PCTP: variants seen among roughly 807,000 people sequenced by gnomAD.
PCTP encodes the protein START domain-containing protein 2.
Under a neutral mutation model 31.0 loss-of-function variants are expected in PCTP, and 27 were observed. That is an observed-to-expected ratio of 0.87 (90% CI 0.64 to 1.20). PCTP has a LOEUF of 1.20. Among genes scored for constraint, PCTP ranks in the 50% most tolerant of loss-of-function variants. The pLI is 0.00. For synonymous variants in PCTP, 108 were observed against 101.2 expected (o/e 1.07, Z -0.40); for missense variants, 287 against 268.2 (o/e 1.07, Z -0.49).
downstream of PCTP, among the ~76,000 whole-genome samples, chr17:55,779,378 G>A (rs1158670839): frequency 6.6e-6 from 1 of 152,228 alleles, no homozygotes; most frequent in Non-Finnish European, 1.5e-5. Flanking sequence ...TGGAATTGTG[G>A]CTGGATGAAG....
chr17:55,830,990 C>T (rs903038090), intron 5 of PCTP, among the ~76,000 whole-genome samples: 6 of 152,184 alleles, frequency 3.9e-5, no homozygotes, highest in Non-Finnish European at 7.3e-5. Context: ...ACCCTCTTGC[C>T]AGCTGTCGGC....
rs1322468651 is a variant in PCTP at position 55,777,296 on chromosome 17, G to A, written c.*1196G>A. Reference sequence around the variant, plus strand: ...AAGCCACAGAATGGGATTTATTAATGTGGGATACCTCAGACTGTTTGTTTT... The same window carrying A: ...AAGCCACAGAATGGGATTTATTAATATGGGATACCTCAGACTGTTTGTTTT... On this transcript the variant is annotated 3_prime_UTR_variant, in exon 6 of 6. Transcript: ENST00000268896. 1.8e-5 allele frequency: 18 copies of A among 984,408 alleles called. No individual in the cohort carries two copies. The highest frequency in any genetic ancestry group is 5.2e-4 in the Middle Eastern group (1 of 1,936). The allele number at this position is 984,408 out of a possible 1,614,324, so 61.0% of individuals were successfully genotyped here.
the PCTP span, among the ~76,000 whole-genome samples, chr17:55,850,029 A>C: frequency 6.6e-6 from 1 of 152,210 alleles, no homozygotes; most frequent in Non-Finnish European, 1.5e-5. Flanking sequence ...TGATCATGTC[A>C]AATCATGCAG....
intron 3 of PCTP, among the ~76,000 whole-genome samples, chr17:55,790,249 A>G (rs1259355573): frequency 6.6e-6 from 1 of 152,180 alleles, no homozygotes; most frequent in African/African-American, 2.4e-5. Flanking sequence ...GGCACAAGAC[A>G]GGAATGCCCT....
At chr17:55,848,200 G>A in the PCTP span, among the ~76,000 whole-genome samples, 12 of 152,182 alleles carry the variant, frequency 7.9e-5, no homozygotes, top group South Asian at 2.1e-4. Flanking sequence ...GTGAGCCACC[G>A]TGCCAGGCCC....
intron 3 of PCTP, among the ~76,000 whole-genome samples, chr17:55,817,208 G>A (rs1266982181): frequency 6.6e-6 from 1 of 152,230 alleles, no homozygotes; most frequent in African/African-American, 2.4e-5. Flanking sequence ...GCCAGGGCTT[G>A]GAGGGAAATT....
At chr17:55,810,139 C>A (rs962361298) in intron 3 of PCTP, among the ~76,000 whole-genome samples, 2 of 152,156 alleles carry the variant, frequency 1.3e-5, no homozygotes, top group East Asian at 3.8e-4. Context: ...CCTGCCTCAG[C>A]CTCCATAGTA....
chr17:55,814,743 G>T (rs1700074627), intron 3 of PCTP, among the ~76,000 whole-genome samples: 2 of 152,178 alleles, frequency 1.3e-5, no homozygotes, highest in African/African-American at 2.4e-5. Context: ...CCAGGGAAAT[G>T]GGGCTCACAG....
chr17:55,851,947 T>TCATTA, the PCTP span, among the ~76,000 whole-genome samples: 51,184 of 151,790 alleles, frequency 0.34, 15,241 homozygotes, highest in African/African-American at 0.81. Flanking sequence ...CTGCTGTGTG[T>TCATTA]CATTATTGTT....
At chr17:55,847,861 A>G in the PCTP span, among the ~76,000 whole-genome samples, 1 of 152,128 alleles carries the variant, frequency 6.6e-6, no homozygotes, top group African/African-American at 2.4e-5. Context: ...CAGTCTACCA[A>G]TTCAAATGTT....
intron 5 of PCTP, among the ~76,000 whole-genome samples, chr17:55,832,213 C>A (rs991351600): frequency 1.1e-4 from 16 of 152,246 alleles, no homozygotes; most frequent in Non-Finnish European, 1.9e-4. Flanking sequence ...AAAGCTCACT[C>A]TCAGGTGAGG....
intron 5 of PCTP, among the ~76,000 whole-genome samples, chr17:55,842,132 G>C (rs11654701): frequency 0.022 from 3,400 of 151,622 alleles, 62 homozygotes; most frequent in Non-Finnish European, 0.033. Flanking sequence ...CATTTTTGGG[G>C]TTGAGGGGAG....
At chr17:55,814,762 C>G (rs1023011748) in intron 3 of PCTP, among the ~76,000 whole-genome samples, 1 of 152,182 alleles carries the variant, frequency 6.6e-6, no homozygotes, top group Non-Finnish European at 1.5e-5. Flanking sequence ...AGGGGCAAGA[C>G]AGACACAACA....
chr17:55,772,012 A>T (rs1911035006), intron 3 of PCTP, among the ~76,000 whole-genome samples: 1 of 152,248 alleles, frequency 6.6e-6, no homozygotes, highest in Non-Finnish European at 1.5e-5. Flanking sequence ...ATGAACTGCC[A>T]ACACTTCAAA....
At chr17:55,847,256 A>G (rs1026384222), downstream of PCTP, among the ~76,000 whole-genome samples, 12 of 151,884 alleles carry the variant, frequency 7.9e-5, no homozygotes, top group African/African-American at 2.4e-4. Context: ...TAGTTTTGAA[A>G]CTCTCAACAT....
chr17:55,752,458 A>C (rs1199545174), intron 1 of PCTP, among the ~76,000 whole-genome samples: 1 of 152,200 alleles, frequency 6.6e-6, no homozygotes, highest in Non-Finnish European at 1.5e-5. Context: ...CTCCCGGGGA[A>C]GAATTATCCA....
intron 3 of PCTP, among the ~76,000 whole-genome samples, 181 bp downstream of exon 3, chr17:55,771,366 G>T (rs1350653682): frequency 6.6e-6 from 1 of 152,234 alleles, no homozygotes; most frequent in Non-Finnish European, 1.5e-5. Context: ...AGAGCTCAGA[G>T]TGTGATTTCT....
rs754167190 is a variant in PCTP at position 55,776,883 on chromosome 17, T to C, written c.*783T>C. The stretch of plus-strand genomic sequence containing the variant: ...CCTGTACCTCTCAAGCTTTGCATTT[T>C]ACTGGAAACTGAGGCGTCAAGATGG... On this transcript the variant is annotated 3_prime_UTR_variant, in exon 6 of 6. Transcript: ENST00000268896. The C allele has an allele frequency of 2.0e-4, 198 of 993,122 alleles. No individual in the cohort carries two copies. Among genetic ancestry groups the C allele is most frequent in the Non-Finnish European group, 2.3e-4 (191 of 835,498 alleles). The allele number at this position is 993,122 out of a possible 1,614,324, so 61.5% of individuals were successfully genotyped here. A position where few individuals can be genotyped will look rare whatever the true frequency, so the allele number is the denominator to read the frequency against.
At chr17:55,818,457 G>T (rs554376071) in intron 3 of PCTP, among the ~76,000 whole-genome samples, 12 of 152,220 alleles carry the variant, frequency 7.9e-5, no homozygotes, top group Non-Finnish European at 1.6e-4. Flanking sequence ...AAAAATTCTG[G>T]TTTTTCCACT....
Sources: allele counts gnomAD v4.1 joint callset (sites outside exome capture counted in the v4.1 genomes callset), GRCh38; gene constraint gnomAD v4.1.1; transcripts MANE v1.5; gene names NCBI Gene and HGNC (gene_info 2026-07-23, HGNC 2026-07-21).